NRG3: variants seen among roughly 807,000 people sequenced by gnomAD.
NRG3 encodes neuregulin 3, also known as pro-neuregulin-3, membrane-bound isoform.
Under a neutral mutation model 66.9 loss-of-function variants are expected in NRG3, and 31 were observed. That is an observed-to-expected ratio of 0.46 (90% CI 0.35 to 0.63). The LOEUF is 0.63. Ranked by LOEUF, NRG3 falls within the 20% of genes least tolerant of loss-of-function variation. The pLI, the probability that NRG3 is intolerant of heterozygous loss-of-function variation, is 0.00. For synonymous variants in NRG3, 393 were observed against 359.4 expected, an observed-to-expected ratio of 1.09 and a Z score of -1.06; for missense variants, 910 against 878.9, an observed-to-expected ratio of 1.04 and a Z score of -0.45.
chr10:82,757,313 C>T (rs2059119821), intron 3 of NRG3, among the ~76,000 whole-genome samples: 1 of 152,002 alleles, frequency 6.6e-6, no homozygotes, highest in African/African-American at 2.4e-5. Flanking sequence ...TTTTTGTACA[C>T]GTGTTGGGTT....
intron 4 of NRG3, among the ~76,000 whole-genome samples, chr10:82,918,112 C>T (rs1385691172): frequency 2.0e-5 from 3 of 151,480 alleles, no homozygotes; most frequent in African/African-American, 7.3e-5. Flanking sequence ...TGACATTTTC[C>T]CCCTGAAATA....
intron 3 of NRG3, among the ~76,000 whole-genome samples, chr10:82,819,152 A>G (rs2061841516): frequency 6.6e-6 from 1 of 152,226 alleles, no homozygotes; most frequent in Non-Finnish European, 1.5e-5. Context: ...AATTTTTTAA[A>G]ATAATCATTA....
chr10:82,477,718 T>C (rs1193640508), intron 2 of NRG3, among the ~76,000 whole-genome samples: 1 of 152,122 alleles, frequency 6.6e-6, no homozygotes, highest in Non-Finnish European at 1.5e-5. Flanking sequence ...ATGAAATAAT[T>C]TGATGAATGT....
chr10:82,938,914 G>A lies in NRG3; in HGVS notation c.1055-12555G>A, dbSNP rs1848327616. ...ACCTAGAATTGAGGGTAAGGAGTGGGGGACAGCTATTATAGGTTCAGGAAA... is the reference window on the plus strand; with the variant it reads ...ACCTAGAATTGAGGGTAAGGAGTGGAGGACAGCTATTATAGGTTCAGGAAA... On this transcript the variant is annotated intron_variant, in intron 4 of 8. Coordinates refer to ENST00000372141, the MANE Select transcript of NRG3 (RefSeq NM_001010848.4). Among the ~76,000 whole-genome samples, 3 of 152,276 alleles carry A rather than the reference G, an allele frequency of 2.0e-5. No individual in the cohort carries two copies. The South Asian group carries it at 6.2e-4, about 32-fold the overall frequency.
intron 1 of NRG3, among the ~76,000 whole-genome samples, chr10:81,986,780 G>A (rs970808127): frequency 1.3e-5 from 2 of 152,040 alleles, no homozygotes; most frequent in African/African-American, 2.4e-5. Context: ...GATCTACTGG[G>A]CTAAAGTGAT....
intron 3 of NRG3, among the ~76,000 whole-genome samples, chr10:82,744,560 A>G (rs2058565586): frequency 6.6e-6 from 1 of 152,204 alleles, no homozygotes; most frequent in Non-Finnish European, 1.5e-5. Context: ...AGGTTTCCAC[A>G]TAAGAATTTC....
intron 1 of NRG3, among the ~76,000 whole-genome samples, chr10:82,322,537 C>CT (rs552093870): frequency 0.017 from 2,500 of 146,962 alleles, 46 homozygotes; most frequent in African/African-American, 0.05. Context: ...TCCATATTAG[C>CT]TTTTTTTTTT....
At position 82,924,444 on chromosome 10, in the gene NRG3, A is replaced by C. The variant is rs1591977112; in HGVS notation, c.1055-27025A>C. The stretch of plus-strand genomic sequence containing the variant: ...CGGTGGTAATGAGGAAGGGGTAGGA[A>C]GTTGGGATTCAGTGGGTCTACCATA... On this transcript the variant is annotated intron_variant, in intron 4 of 8. Coordinates refer to ENST00000372141, the MANE Select transcript of NRG3 (RefSeq NM_001010848.4). 2.0e-5 allele frequency among the ~76,000 whole-genome samples: 3 copies of C among 152,272 alleles called. No homozygotes were observed. The East Asian group carries it at 5.8e-4, about 29-fold the overall frequency.
At chr10:82,221,226 T>TC (rs2075926590) in intron 1 of NRG3, among the ~76,000 whole-genome samples, 1 of 145,218 alleles carries the variant, frequency 6.9e-6, no homozygotes, top group Admixed American at 6.8e-5. Flanking sequence ...AATTTGAGTT[T>TC]CACTCACTGC....
intron 1 of NRG3, among the ~76,000 whole-genome samples, chr10:82,199,189 A>C (rs982045344): frequency 2.5e-4 from 37 of 150,584 alleles, no homozygotes; most frequent in African/African-American, 9.0e-4. Context: ...AAAAAAAAGA[A>C]AAGAAAAAAA....
intron 2 of NRG3, among the ~76,000 whole-genome samples, chr10:82,585,018 G>A (rs1264112296): frequency 1.3e-5 from 2 of 148,672 alleles, no homozygotes; most frequent in Non-Finnish European, 3.0e-5. Context: ...TTTTGGGGGG[G>A]GAACGGGGGG....
intron 1 of NRG3, among the ~76,000 whole-genome samples, chr10:82,187,848 TAGA>T (rs1438460996): frequency 6.6e-6 from 1 of 152,086 alleles, no homozygotes; most frequent in African/African-American, 2.4e-5. Flanking sequence ...ACTGACATCA[TAGA>T]AGAAGCTCAT....
chr10:82,650,559 G>A (rs1281049718), intron 2 of NRG3, among the ~76,000 whole-genome samples: 1 of 152,186 alleles, frequency 6.6e-6, no homozygotes, highest in East Asian at 1.9e-4. Context: ...GATTTTTGTT[G>A]TTGATTACCA....
rs190207197 is a variant in NRG3, at chr10:82,712,070, A to G, written c.954-26507A>G. Among the ~76,000 whole-genome samples the G allele has an allele frequency of 1.3e-3, 197 of 152,316 alleles. 1 individual carries two copies. Among genetic ancestry groups the G allele is most frequent in the Admixed American group, 7.4e-3 (113 of 15,290 alleles). ...TTCATGAAATTTTATAATTCTCTCC[A>G]AAAGAATCCTTTGCACCATTAGTTA... On this transcript the variant is annotated intron_variant, in intron 2 of 8. Transcript: ENST00000372141.
At chr10:82,791,740 T>C (rs1417486799) in intron 3 of NRG3, among the ~76,000 whole-genome samples, 1 of 152,248 alleles carries the variant, frequency 6.6e-6, no homozygotes, top group East Asian at 1.9e-4. Flanking sequence ...AGCTTCTTGT[T>C]TGCCCCAACT....
chr10:81,950,953 G>A (rs1185571180), intron 1 of NRG3, among the ~76,000 whole-genome samples: 1 of 148,854 alleles, frequency 6.7e-6, no homozygotes, highest in Admixed American at 6.7e-5. Flanking sequence ...TCTTGCCCTT[G>A]AGAAAAAAAA....
intron 1 of NRG3, among the ~76,000 whole-genome samples, chr10:81,977,144 T>C (rs1207069386): frequency 6.6e-6 from 1 of 152,210 alleles, no homozygotes; most frequent in Admixed American, 6.5e-5. Context: ...TTTGGAAGAT[T>C]GCACACTTGC....
At chr10:82,116,577 G>A (rs906546504) in intron 1 of NRG3, among the ~76,000 whole-genome samples, 6 of 152,124 alleles carry the variant, frequency 3.9e-5, no homozygotes, top group Admixed American at 6.6e-5. Flanking sequence ...TTAAAATAAC[G>A]AAAGCTTGCT....
rs140549527 is a variant in NRG3 at position 81,893,565 on chromosome 10, C to T, written c.823+17402C>T. The stretch of plus-strand genomic sequence containing the variant: ...GTTGATTAGTGTCAAAATGCTGATC[C>T]TCCCGTAAATCCCCTGATCGTCGTA... On this transcript the variant is annotated intron_variant, in intron 1 of 8. Coordinates refer to ENST00000372141, the MANE Select transcript of NRG3 (RefSeq NM_001010848.4). 3.6e-3 allele frequency among the ~76,000 whole-genome samples: 544 copies of T among 152,202 alleles called. 3 individuals carry two copies. The highest frequency in any genetic ancestry group is 0.012 in the African/African-American group (501 of 41,518).
Sources: allele counts gnomAD v4.1 joint callset (sites outside exome capture counted in the v4.1 genomes callset), GRCh38; gene constraint gnomAD v4.1.1; transcripts MANE v1.5; gene names NCBI Gene and HGNC (gene_info 2026-07-23, HGNC 2026-07-21).